Variants in ASRGL1 observed in about 807,000 individuals in gnomAD.
ASRGL1 encodes the protein isoaspartyl peptidase/L-asparaginase.
Under a neutral mutation model 22.4 loss-of-function variants are expected in ASRGL1, and 16 were observed. The observed-to-expected ratio is 0.71, with a 90% CI of 0.48 to 1.08. ASRGL1 has a LOEUF of 1.08. ASRGL1 is among the 50% of genes least tolerant of loss of function. The pLI is 0.00. For missense variants in ASRGL1, 412 were observed against 410.1 expected (o/e 1.00, Z -0.04); for synonymous variants, 165 against 159.3 (o/e 1.04, Z -0.27).
chr11:62,364,270 CGTGTATGTGTGT>C (rs889988727), intron 4 of ASRGL1, among the ~76,000 whole-genome samples: 10 of 150,824 alleles, frequency 6.6e-5, no homozygotes, highest in Non-Finnish European at 1.2e-4. Context: ...TGCATGTGTG[CGTGTATGTGTGT>C]GTGTTTGCCA....
chr11:62,397,028 CTTT>C (rs1229811153), downstream of ASRGL1, among the ~76,000 whole-genome samples: 1 of 152,068 alleles, frequency 6.6e-6, no homozygotes, highest in East Asian at 1.9e-4. Context: ...TGTTATTAAA[CTTT>C]TTTGTTTGTT....
intron 4 of ASRGL1, chr11:62,382,587 GCCTTCCTCTT>G (rs1947098432): frequency 1.3e-5 from 2 of 151,842 alleles, no homozygotes; most frequent in African/African-American, 4.8e-5. Flanking sequence ...GGAGACAGAT[GCCTTCCTCTT>G]ATCACAACTG....
chr11:62,341,143 A>T (rs1033346327), intron 2 of ASRGL1, among the ~76,000 whole-genome samples: 4 of 151,780 alleles, frequency 2.6e-5, no homozygotes, highest in Middle Eastern at 3.2e-3. Flanking sequence ...CACTTGAGAT[A>T]TTCTCTCTAC....
intron 1 of ASRGL1, 52 bp from the exon 2 acceptor site, chr11:62,337,838 C>G: frequency 1.1e-6 from 1 of 923,354 alleles, no homozygotes; most frequent in Non-Finnish European, 1.6e-6. Context: ...CCTACCCACC[C>G]CCAGCTGCGA....
At chr11:62,372,478 T>G in intron 4 of ASRGL1, 7 of 1,411,122 alleles carry the variant, frequency 5.0e-6, no homozygotes, top group Non-Finnish European at 7.0e-6. Context: ...GGGACACAAC[T>G]CAGATGGGAA....
chr11:62,397,643 A>C (rs1322229825), downstream of ASRGL1, among the ~76,000 whole-genome samples: 1 of 146,576 alleles, frequency 6.8e-6, no homozygotes, highest in Non-Finnish European at 1.5e-5. Context: ...CAGCCTGGAC[A>C]ACAAGAATCA....
chr11:62,372,925 G>A, intron 4 of ASRGL1: 1 of 1,561,792 alleles, frequency 6.4e-7, no homozygotes, highest in Non-Finnish European at 8.8e-7. Context: ...TGTGGGAAGA[G>A]CAGCATCATT....
intron 4 of ASRGL1, among the ~76,000 whole-genome samples, chr11:62,375,528 AAAAT>A (rs1254785734): frequency 6.9e-6 from 1 of 145,696 alleles, no homozygotes; most frequent in Non-Finnish European, 1.5e-5. Context: ...ATCTACTGAA[AAAAT>A]AAAAATAAAA....
At chr11:62,362,750 A>G (rs1437120028) in intron 4 of ASRGL1, among the ~76,000 whole-genome samples, 4 of 110,614 alleles carry the variant, frequency 3.6e-5, no homozygotes, top group Non-Finnish European at 5.2e-5. Context: ...TATATTATAT[A>G]TATAAATTTA....
At chr11:62,390,531 T>A (rs1472036769) in intron 5 of ASRGL1, among the ~76,000 whole-genome samples, 5 of 152,082 alleles carry the variant, frequency 3.3e-5, no homozygotes, top group Admixed American at 3.3e-4. Flanking sequence ...GGTCCTAGAG[T>A]AACTGAAAAG....
At chr11:62,382,784 G>C (rs1947104685) in intron 4 of ASRGL1, 1 of 152,372 alleles carries the variant, frequency 6.6e-6, no homozygotes, top group African/African-American at 2.4e-5. Flanking sequence ...TTCCTAGGCA[G>C]AGGTCCCTGC....
In ASRGL1 at chr11:62,389,114, TTC is replaced by T; in HGVS notation, c.492-17_492-16del. On this transcript the variant is annotated splice_polypyrimidine_tract_variant and intron_variant, in intron 4 of 6. Coordinates refer to ENST00000415229, the MANE Select transcript of ASRGL1 (RefSeq NM_001083926.2). Reference sequence around the variant, plus strand: ...TCTCATTTTCAGCCTGTCACTTTTTTTCTGTTTATTTTTGGCAGAAACTTGGG... The same window carrying T: ...TCTCATTTTCAGCCTGTCACTTTTTTTGTTTATTTTTGGCAGAAACTTGGG... 4.4e-6 allele frequency: 7 copies of T among 1,591,096 alleles called. No individual in the cohort carries two copies. Among genetic ancestry groups the T allele is most frequent in the Non-Finnish European group, 6.0e-6 (7 of 1,160,072 alleles).
At chr11:62,372,775 A>G (rs774182811) in intron 4 of ASRGL1, 12 of 1,565,658 alleles carry the variant, frequency 7.7e-6, no homozygotes, top group Non-Finnish European at 1.1e-5. Flanking sequence ...TCCCAGATCT[A>G]TGCTGGTTAC....
intron 2 of ASRGL1, among the ~76,000 whole-genome samples, chr11:62,353,309 G>A (rs1946208674): frequency 7.2e-6 from 1 of 138,136 alleles, no homozygotes; most frequent in Non-Finnish European, 1.6e-5. Flanking sequence ...AATTTTTTTA[G>A]TTATTTCAAG....
At chr11:62,344,500 T>A (rs1412212088) in intron 2 of ASRGL1, among the ~76,000 whole-genome samples, 1 of 152,146 alleles carries the variant, frequency 6.6e-6, no homozygotes, top group African/African-American at 2.4e-5. Context: ...ATTGCAAACA[T>A]TTTTCTTGTG....
chr11:62,338,078 G>C lies in ASRGL1; in HGVS notation c.101G>C (p.Gly34Ala). 1 of 1,607,946 alleles carries C rather than the reference G, an allele frequency of 6.2e-7. No individual in the cohort carries two copies. The highest frequency in any genetic ancestry group is 1.1e-5 in the South Asian group (1 of 89,948). Residue 34 changes from glycine (G) to alanine (A), a missense_variant, in exon 2 of 7, where the codon GGC becomes GCC. Physicochemically the swap from Gly to Ala is moderately conservative, Grantham distance 60. Coordinates refer to ENST00000415229, the MANE Select transcript of ASRGL1 (RefSeq NM_001083926.2). Reference sequence around the variant, plus strand: ...GGCATGGTCAGAGCCGCCACCGTGGGCTACGGCATCCTCCGGGAGGGCGGG... The same window carrying C: ...GGCATGGTCAGAGCCGCCACCGTGGCCTACGGCATCCTCCGGGAGGGCGGG... ...HQGMVRAATV[G>A]YGILREGGSA...
the ASRGL1 span, among the ~76,000 whole-genome samples, chr11:62,398,841 C>G: frequency 6.6e-6 from 1 of 152,310 alleles, no homozygotes; most frequent in East Asian, 1.9e-4. Context: ...AAGTCCATCA[C>G]TTTCCCCAAG....
intron 2 of ASRGL1, among the ~76,000 whole-genome samples, chr11:62,350,656 C>T (rs924248300): frequency 6.6e-6 from 1 of 152,090 alleles, no homozygotes; most frequent in Non-Finnish European, 1.5e-5. Context: ...ATTAGCCGGG[C>T]GTGGTGGCAC....
intron 4 of ASRGL1, among the ~76,000 whole-genome samples, chr11:62,370,050 G>A (rs1034981645): frequency 1.3e-5 from 2 of 152,070 alleles, no homozygotes; most frequent in Admixed American, 6.5e-5. Context: ...CTGCCACAGC[G>A]GCCGTAGCTG....
Sources: gnomAD v4.1 joint callset for allele counts (sites outside exome capture counted in the v4.1 genomes callset) on GRCh38, gnomAD v4.1.1 for gene constraint, MANE v1.5 for transcripts, NCBI Gene and HGNC (gene_info 2026-07-23, HGNC 2026-07-21) for gene names.